The following CYTIP variants were observed in gnomAD, a reference collection of about 807,000 sequenced individuals.
CYTIP encodes cytohesin 1 interacting protein.
In CYTIP, 26 loss-of-function variants were observed where a neutral mutation model predicts 43.8. The observed-to-expected ratio is 0.59, with a 90% confidence interval of 0.44 to 0.82. The LOEUF (loss-of-function observed/expected upper bound fraction) is 0.82, where lower values mean the gene tolerates loss of function less well. Among genes scored for constraint, CYTIP ranks in the 40% least tolerant of loss-of-function variants. The probability of loss-of-function intolerance (pLI) is 0.00; values close to 1 mark genes in which losing one functional copy is unlikely to be tolerated. For synonymous variants in CYTIP, 162 were observed against 162.9 expected (o/e 0.99, Z 0.04); for missense variants, 426 against 443.1 (o/e 0.96, Z 0.35).
At chr2:157,438,938 A>G in intron 1 of CYTIP, 1 of 426,932 alleles carries the variant, frequency 2.3e-6, no homozygotes, top group Non-Finnish European at 5.0e-6. Flanking sequence ...ATTTCATCCA[A>G]TCGGTCTTTT....
chr2:157,423,327 G>A (rs1285298779), intron 6 of CYTIP, among the ~76,000 whole-genome samples: 2 of 151,532 alleles, frequency 1.3e-5, no homozygotes, highest in African/African-American at 4.8e-5. Flanking sequence ...ATAAAAAGTG[G>A]TACAAACTGC....
At chr2:157,430,410 C>G (rs1685693600) in intron 5 of CYTIP, 149 bp downstream of exon 5, 1 of 645,448 alleles carries the variant, frequency 1.5e-6, no homozygotes, top group South Asian at 1.9e-5. Context: ...ACAAAAGGAA[C>G]TGATAATGTT....
chr2:157,419,830 G>A (rs779848736), intron 6 of CYTIP, among the ~76,000 whole-genome samples: 34 of 152,182 alleles, frequency 2.2e-4, no homozygotes, highest in Non-Finnish European at 3.8e-4. Flanking sequence ...TTGCAAGAAC[G>A]TCATTAAATG....
At chr2:157,425,459 AAAGT>A (rs1685589606) in intron 6 of CYTIP, among the ~76,000 whole-genome samples, 1 of 152,128 alleles carries the variant, frequency 6.6e-6, no homozygotes, top group Admixed American at 6.5e-5. Context: ...CAAATCCTCT[AAAGT>A]AAGTATAATA....
intron 6 of CYTIP, among the ~76,000 whole-genome samples, chr2:157,424,891 A>G (rs1323836577): frequency 1.3e-5 from 2 of 152,150 alleles, no homozygotes; most frequent in Non-Finnish European, 2.9e-5. Flanking sequence ...ATCCATGCAT[A>G]TGTGGAACTT....
intron 2 of CYTIP, 85 bp downstream of exon 2, chr2:157,434,613 G>GAC: frequency 1.0e-6 from 1 of 1,002,882 alleles, no homozygotes. Flanking sequence ...GAGAGAGAGA[G>GAC]AGAGGAAGAG....
At chr2:157,442,458 C>A (rs1029822825) in intron 1 of CYTIP, among the ~76,000 whole-genome samples, 1 of 116,224 alleles carries the variant, frequency 8.6e-6, no homozygotes. Flanking sequence ...TGAAAAAGTA[C>A]CCACAGTCTC....
intron 5 of CYTIP, among the ~76,000 whole-genome samples, chr2:157,430,161 A>G (rs909790230): frequency 6.6e-6 from 1 of 152,100 alleles, no homozygotes; most frequent in Non-Finnish European, 1.5e-5. Context: ...GTGGCTTGTC[A>G]CATAAGAGGA....
intron 3 of CYTIP, among the ~76,000 whole-genome samples, chr2:157,433,023 A>G (rs1360746631): frequency 6.6e-6 from 1 of 152,172 alleles, no homozygotes; most frequent in Non-Finnish European, 1.5e-5. Flanking sequence ...TGCTCCACGG[A>G]GAATAAGTGT....
chr2:157,415,871 T>G lies in CYTIP; in HGVS notation c.886A>C (p.Arg296=), dbSNP rs1313199161. Residue 296 remains arginine (R), a synonymous_variant, in exon 8 of 8, where the codon AGG becomes CGG. Coordinates refer to ENST00000264192, the MANE Select transcript of CYTIP (RefSeq NM_004288.5). ...IPKEGDDFLR[R]SSSRRNRSIS... ...CTCCGGTTCCTCCTTGAAGATGACC[T>G]CCTCAGAAAATCATCCCCCTCCTTG... 1 of 1,614,136 alleles carries G rather than the reference T, an allele frequency of 6.2e-7. No individual in the cohort carries two copies.
intron 5 of CYTIP, among the ~76,000 whole-genome samples, chr2:157,427,797 T>C (rs1442710289): frequency 6.6e-6 from 1 of 152,220 alleles, no homozygotes; most frequent in Admixed American, 6.5e-5. Flanking sequence ...GGGCATCTAC[T>C]ATGTACCAGA....
chr2:157,436,174 T>G (rs1259417987), intron 1 of CYTIP, among the ~76,000 whole-genome samples: 1 of 152,238 alleles, frequency 6.6e-6, no homozygotes, highest in African/African-American at 2.4e-5. Flanking sequence ...GATTCTCTAG[T>G]CTTGCTAAAA....
chr2:157,434,265 C>T, intron 3 of CYTIP, 105 bp downstream of exon 3: 3 of 906,746 alleles, frequency 3.3e-6, no homozygotes, highest in East Asian at 2.4e-5. Context: ...AAGTCATAGG[C>T]TCCATCATTC....
chr2:157,443,220 T>C (rs1189873326), intron 1 of CYTIP, among the ~76,000 whole-genome samples: 1 of 152,084 alleles, frequency 6.6e-6, no homozygotes, highest in Admixed American at 6.5e-5. Flanking sequence ...TAAGGGTGGT[T>C]CTATTATTAA....
In CYTIP at chr2:157,430,967, A is replaced by T. The variant is rs765735156; in HGVS notation, c.280-5T>A. Reference sequence around the variant, plus strand: ...CTGATTCTGGGGCCTGTAAGACTGTAAAAATTAAGATGATATATAGTTACT... The same window carrying T: ...CTGATTCTGGGGCCTGTAAGACTGTTAAAATTAAGATGATATATAGTTACT... On this transcript the variant is annotated splice_region_variant and splice_polypyrimidine_tract_variant and intron_variant, in intron 3 of 7. Coordinates refer to ENST00000264192, the MANE Select transcript of CYTIP (RefSeq NM_004288.5). 1 of 1,596,598 alleles carries T rather than the reference A, an allele frequency of 6.3e-7. No individual in the cohort carries two copies. The highest frequency in any genetic ancestry group is 8.5e-7 in the Non-Finnish European group (1 of 1,173,974).
chr2:157,429,151 C>T (rs1226724721), intron 5 of CYTIP, among the ~76,000 whole-genome samples: 2 of 152,206 alleles, frequency 1.3e-5, no homozygotes, highest in Non-Finnish European at 2.9e-5. Flanking sequence ...CAAAGAGATC[C>T]ATGGTCTGCC....
At chr2:157,428,750 G>A (rs1685651730) in intron 5 of CYTIP, among the ~76,000 whole-genome samples, 1 of 152,206 alleles carries the variant, frequency 6.6e-6, no homozygotes, top group Non-Finnish European at 1.5e-5. Context: ...TAGAGCAAAA[G>A]CACCTCATCC....
At chr2:157,435,994 G>A (rs1259254191) in intron 1 of CYTIP, among the ~76,000 whole-genome samples, 1 of 152,156 alleles carries the variant, frequency 6.6e-6, no homozygotes. Flanking sequence ...TTCCTGGAAT[G>A]GACCAGTGTT....
chr2:157,441,621 CACACACACA>C (rs1685919581), intron 1 of CYTIP, among the ~76,000 whole-genome samples: 1 of 151,762 alleles, frequency 6.6e-6, no homozygotes, highest in Non-Finnish European at 1.5e-5. Context: ...CACACACACA[CACACACACA>C]CACACACACG....
Sources: gnomAD v4.1 joint callset for allele counts (sites outside exome capture counted in the v4.1 genomes callset) on GRCh38, gnomAD v4.1.1 for gene constraint, MANE v1.5 for transcripts, NCBI Gene and HGNC (gene_info 2026-07-23, HGNC 2026-07-21) for gene names.